The following BCL11A variants were observed in gnomAD, a reference collection of about 807,000 sequenced individuals.
BCL11A encodes the protein B cell CLL/lymphoma 11A.
BCL11A carries 2 observed loss-of-function variants against 55.9 expected under a neutral mutation model. The observed-to-expected ratio is 0.04, with a 90% CI of 0.01 to 0.11. BCL11A has a LOEUF of 0.11. BCL11A is among the 10% of genes least tolerant of loss of function. BCL11A has a pLI of 1.00. For synonymous variants in BCL11A, 465 were observed against 473.4 expected (o/e 0.98, Z 0.23); for missense variants, 817 against 1,137.1 (o/e 0.72, Z 4.05).
chr2:60,477,396 T>C (rs1677670636), intron 2 of BCL11A, among the ~76,000 whole-genome samples: 1 of 152,194 alleles, frequency 6.6e-6, no homozygotes, highest in Non-Finnish European at 1.5e-5. Flanking sequence ...GCCTCTATAT[T>C]ATCATTTCGA....
Position 60,553,297 on chromosome 2 carries a change from G to A in BCL11A, c.-27C>T. The A allele has an allele frequency of 6.5e-7, 1 of 1,532,742 alleles. No individual in the cohort carries two copies. Among genetic ancestry groups the A allele is most frequent in the East Asian group, 2.4e-5 (1 of 41,918 alleles). The allele number at this position is 1,532,742 out of a possible 1,614,324, so 94.9% of individuals were successfully genotyped here. On this transcript the variant is annotated 5_prime_UTR_variant, in exon 1 of 4. Transcript: ENST00000642384. The stretch of plus-strand genomic sequence containing the variant: ...GTGGGCTGCGGGGCGGGCGGCGGCG[G>A]CGGCGGCGGCGGCGGCGGGCGGACG...
chr2:60,538,753 G>C (rs1383224435), intron 2 of BCL11A, among the ~76,000 whole-genome samples: 3 of 150,278 alleles, frequency 2.0e-5, no homozygotes, highest in South Asian at 2.1e-4. Context: ...GTGTGTGTGT[G>C]TGTGTGTGTG....
intron 2 of BCL11A, among the ~76,000 whole-genome samples, chr2:60,513,774 C>T (rs1668597079): frequency 6.6e-6 from 1 of 152,252 alleles, no homozygotes; most frequent in South Asian, 2.1e-4. Flanking sequence ...GCACTGGGCA[C>T]AGCTGGGTCA....
chr2:60,461,217 G>T lies in BCL11A; in HGVS notation c.1695C>A (p.Val565=). The change falls in exon 4 of 4, where the codon GTC becomes GTA. Residue 565 remains valine (V), a synonymous_variant. Transcript: ENST00000642384. ...MQHFSEAFHQ[V]LGEKHKRGHL... is the part of the protein sequence containing the mutation. ...GGCCGCGCTTATGCTTCTCGCCCAG[G>T]ACCTGGTGGAAGGCCTCGCTGAAGT... 6.2e-7 allele frequency: 1 copy of T among 1,611,756 alleles called. No individual in the cohort carries two copies. Among genetic ancestry groups the T allele is most frequent in the Non-Finnish European group, 8.5e-7 (1 of 1,179,826 alleles).
chr2:60,536,364 T>C (rs1159477954), intron 2 of BCL11A: 1 of 152,166 alleles, frequency 6.6e-6, no homozygotes, highest in Non-Finnish European at 1.5e-5. Context: ...AACTCTCTTA[T>C]CCTTGGGCCC....
chr2:60,477,205 A>T (rs889172616), intron 2 of BCL11A, among the ~76,000 whole-genome samples: 2 of 152,238 alleles, frequency 1.3e-5, no homozygotes, highest in African/African-American at 4.8e-5. Context: ...AGGAAGAGGC[A>T]TGGGGCTGTG....
downstream of BCL11A, among the ~76,000 whole-genome samples, chr2:60,455,312 A>G (rs12621957): frequency 0.23 from 34,366 of 152,056 alleles, 6,333 homozygotes; most frequent in East Asian, 0.76. Flanking sequence ...AAGATCATGA[A>G]TTCATCTTAC....
chr2:60,495,383 A>C (rs1678887458), intron 2 of BCL11A, among the ~76,000 whole-genome samples: 1 of 152,196 alleles, frequency 6.6e-6, no homozygotes, highest in Admixed American at 6.5e-5. Flanking sequence ...ACCTGTATGG[A>C]CTTTGCACTG....
chr2:60,515,835 C>A (rs1305585714), intron 2 of BCL11A, among the ~76,000 whole-genome samples: 1 of 152,202 alleles, frequency 6.6e-6, no homozygotes, highest in African/African-American at 2.4e-5. Flanking sequence ...CCAGGCCACT[C>A]AACCCACTGT....
intron 2 of BCL11A, among the ~76,000 whole-genome samples, chr2:60,511,451 C>T (rs1679981433): frequency 6.6e-6 from 1 of 152,212 alleles, no homozygotes; most frequent in Non-Finnish European, 1.5e-5. Flanking sequence ...CTTAAAGATG[C>T]TATTCATGCA....
chr2:60,509,420 C>T (rs1455375255), intron 2 of BCL11A, among the ~76,000 whole-genome samples: 4 of 152,128 alleles, frequency 2.6e-5, no homozygotes, highest in South Asian at 2.1e-4. Flanking sequence ...CAGAGCCACA[C>T]GGACGTCTCA....
At chr2:60,516,053 G>A (rs2104519563) in intron 2 of BCL11A, among the ~76,000 whole-genome samples, 1 of 152,276 alleles carries the variant, frequency 6.6e-6, no homozygotes, top group Non-Finnish European at 1.5e-5. Flanking sequence ...TCATTGAACT[G>A]GGTTATGAAA....
At chr2:60,470,994 G>T (rs1026424021) in intron 2 of BCL11A, among the ~76,000 whole-genome samples, 8 of 152,224 alleles carry the variant, frequency 5.3e-5, no homozygotes, top group African/African-American at 1.9e-4. Context: ...TCTTTCCTGG[G>T]AATTTGTCTC....
Position 60,461,568 on chromosome 2 carries a change from C to T in BCL11A, c.1344G>A (p.Pro448=), listed in dbSNP as rs1391740487. The change falls in exon 4 of 4, where the codon CCG becomes CCA. Residue 448 remains proline (P), a synonymous_variant. Coordinates refer to ENST00000642384, the MANE Select transcript of BCL11A (RefSeq NM_022893.4). Reference sequence around the variant, plus strand: ...CCACCAAGTCGCTGGTGCCGGGTTCCGGGGAGCTGGCGGTGGAGAGACCGT... The same window carrying T: ...CCACCAAGTCGCTGGTGCCGGGTTCTGGGGAGCTGGCGGTGGAGAGACCGT... ...SDDGLSTASS[P]EPGTSDLVGS... is the part of the protein sequence containing the mutation. 3 of 1,612,086 alleles carry T rather than the reference C, an allele frequency of 1.9e-6. No homozygotes were observed. In the East Asian group the frequency reaches 6.7e-5, roughly 36 times the overall value.
chr2:60,507,350 A>G (rs1426826167), intron 2 of BCL11A, among the ~76,000 whole-genome samples: 2 of 21,130 alleles, frequency 9.5e-5, no homozygotes, highest in African/African-American at 5.5e-4. Flanking sequence ...AAGGGAAGGG[A>G]AGGGAAGGGA....
intron 2 of BCL11A, among the ~76,000 whole-genome samples, chr2:60,493,716 T>C (rs1291226171): frequency 6.6e-6 from 1 of 152,174 alleles, no homozygotes; most frequent in African/African-American, 2.4e-5. Flanking sequence ...GGAGATGACT[T>C]CTACCTTGCC....
rs1425399237 is a variant in BCL11A, at chr2:60,530,279, G to T, written c.385+15692C>A. Reference sequence around the variant, plus strand: ...CCTTCCTTGCATATTATCGTTCTCAGCCACCGACAGCTTAATTCACAGGCC... The same window carrying T: ...CCTTCCTTGCATATTATCGTTCTCATCCACCGACAGCTTAATTCACAGGCC... On this transcript the variant is annotated intron_variant, in intron 2 of 3. Transcript: ENST00000642384. Among the ~76,000 whole-genome samples the T allele has an allele frequency of 2.7e-5, 4 of 146,766 alleles. 1 individual carries two copies. In the East Asian group the frequency reaches 8.0e-4, roughly 29 times the overall value.
chr2:60,546,343 G>T lies in BCL11A; in HGVS notation c.56-43C>A. On this transcript the variant is annotated intron_variant, in intron 1 of 3. Coordinates refer to ENST00000642384, the MANE Select transcript of BCL11A (RefSeq NM_022893.4). The surrounding 1 kb of genome is among the most constrained non-coding windows in gnomAD (Gnocchi z 4.1). ...AAAGCACAATTATTAGAGTGCCAGAGAGGACAGAAAGGGGAGAAGCACATC... is the reference window on the plus strand; with the variant it reads ...AAAGCACAATTATTAGAGTGCCAGATAGGACAGAAAGGGGAGAAGCACATC... The T allele has an allele frequency of 6.4e-7, 1 of 1,563,370 alleles. No homozygotes were observed. Among genetic ancestry groups the T allele is most frequent in the Non-Finnish European group, 8.8e-7 (1 of 1,142,688 alleles).
At chr2:60,514,421 C>T (rs1668633896) in intron 2 of BCL11A, among the ~76,000 whole-genome samples, 1 of 151,022 alleles carries the variant, frequency 6.6e-6, no homozygotes, top group African/African-American at 2.4e-5. Context: ...TTTTGGGAGG[C>T]CGAGGCGTGT....
Sources: allele counts gnomAD v4.1 joint callset (sites outside exome capture counted in the v4.1 genomes callset), GRCh38; gene constraint gnomAD v4.1.1; non-coding constraint Gnocchi (gnomAD v3.1); transcripts MANE v1.5; gene names NCBI Gene and HGNC (gene_info 2026-07-23, HGNC 2026-07-21).